GLB1: variants seen among roughly 807,000 people sequenced by gnomAD.
GLB1 encodes the protein beta-galactosidase.
A neutral mutation model predicts 74.0 loss-of-function variants in GLB1; 56 were observed. That is an observed-to-expected ratio of 0.76 (90% confidence interval 0.61 to 0.94). The LOEUF is 0.94. GLB1 is among the 40% of genes least tolerant of loss of function. The pLI, the probability that GLB1 is intolerant of heterozygous loss-of-function variation, is 0.00. For synonymous variants in GLB1, 323 were observed against 323.6 expected (o/e 1.00, Z 0.02); for missense variants, 787 against 845.5 (o/e 0.93, Z 0.86).
chr3:33,009,501 G>A (rs1429722118), intron 15 of GLB1, among the ~76,000 whole-genome samples: 2 of 152,098 alleles, frequency 1.3e-5, no homozygotes, highest in Non-Finnish European at 2.9e-5. Context: ...CAGCCTGGGT[G>A]ACAAGAGCAA....
Position 33,004,118 on chromosome 3 carries a change from G to A in GLB1, c.1735-6774C>T, listed in dbSNP as rs180845306. On this transcript the variant is annotated intron_variant, in intron 15 of 15. Coordinates refer to ENST00000307363, the MANE Select transcript of GLB1 (RefSeq NM_000404.4). The stretch of plus-strand genomic sequence containing the variant: ...TTTGGCCAAACAACGTGGAAGAAGT[G>A]ACATGTGAATCCTGACTTTGGCCTT... Among the ~76,000 whole-genome samples, 6 of 152,236 alleles carry A rather than the reference G, an allele frequency of 3.9e-5. No homozygotes were observed. In the East Asian group the frequency reaches 9.6e-4, roughly 24 times the overall value.
intron 10 of GLB1, among the ~76,000 whole-genome samples, chr3:33,031,065 C>T (rs72854780): frequency 0.075 from 11,422 of 152,184 alleles, 557 homozygotes; most frequent in East Asian, 0.23. Flanking sequence ...TGAAGACAAC[C>T]GCCTGGGGGC....
At chr3:32,976,508 G>C in the GLB1 span, among the ~76,000 whole-genome samples, 1 of 152,196 alleles carries the variant, frequency 6.6e-6, no homozygotes, top group African/African-American at 2.4e-5. Flanking sequence ...TTGGAAACGT[G>C]GCCCCGAAGC....
At chr3:33,084,154 C>T (rs1700422631) in intron 1 of GLB1, among the ~76,000 whole-genome samples, 1 of 152,196 alleles carries the variant, frequency 6.6e-6, no homozygotes, top group Admixed American at 6.5e-5. Context: ...CTGACACGAG[C>T]TGTTCAGCTC....
At chr3:32,962,109 G>A in the GLB1 span, among the ~76,000 whole-genome samples, 3 of 151,890 alleles carry the variant, frequency 2.0e-5, no homozygotes, top group East Asian at 1.9e-4. Flanking sequence ...TAGGAGAATC[G>A]ATTAAACCCA....
At position 33,058,011 on chromosome 3, in the gene GLB1, TAAC is replaced by T. The variant is rs929115879; in HGVS notation, c.733+75_733+77del. On this transcript the variant is annotated intron_variant, in intron 6 of 15. Transcript: ENST00000307363. Reference sequence around the variant, plus strand: ...AATCTCAATCTGCCCATGACACTTATAACAACAGCTGCCCAGAGCAACTGACTG... The same window carrying T: ...AATCTCAATCTGCCCATGACACTTATAACAGCTGCCCAGAGCAACTGACTG... 3.2e-6 allele frequency: 5 copies of T among 1,578,400 alleles called. No homozygotes were observed. The African/African-American group carries it at 6.8e-5, about 21-fold the overall frequency.
chr3:33,063,728 G>A (rs1033103950), intron 5 of GLB1, among the ~76,000 whole-genome samples: 2 of 152,190 alleles, frequency 1.3e-5, no homozygotes, highest in Non-Finnish European at 2.9e-5. Context: ...CAGCCATGCA[G>A]AGCAAAGACG....
chr3:33,088,539 T>C (rs371727131), intron 1 of GLB1, among the ~76,000 whole-genome samples: 5 of 152,004 alleles, frequency 3.3e-5, no homozygotes, highest in African/African-American at 1.2e-4. Context: ...ATTCCATATA[T>C]AAAAGCATCA....
intron 10 of GLB1, chr3:33,045,245 CT>C (rs35949170): frequency 0.095 from 51,177 of 536,036 alleles, 75 homozygotes; most frequent in Middle Eastern, 0.11. Context: ...TAGACTCACT[CT>C]TTTTTTTTTT....
chr3:33,003,404 G>T (rs1482371038), intron 15 of GLB1, among the ~76,000 whole-genome samples: 1 of 152,144 alleles, frequency 6.6e-6, no homozygotes, highest in Non-Finnish European at 1.5e-5. Context: ...TTGTTATAAA[G>T]TTCACAACCT....
intron 9 of GLB1, among the ~76,000 whole-genome samples, chr3:33,049,268 C>T (rs554900631): frequency 3.3e-5 from 5 of 152,258 alleles, no homozygotes; most frequent in Admixed American, 6.5e-5. Context: ...TCTAAAATAT[C>T]AGTGACCAAC....
intron 7 of GLB1, 63 bp from the exon 8 acceptor site, chr3:33,052,067 C>T: frequency 6.2e-7 from 1 of 1,603,486 alleles, no homozygotes; most frequent in Non-Finnish European, 8.5e-7. Flanking sequence ...CCAGGGCTTC[C>T]CTGCAATGCC....
At chr3:32,992,954 C>T (rs528378891), downstream of GLB1, among the ~76,000 whole-genome samples, 2 of 152,312 alleles carry the variant, frequency 1.3e-5, no homozygotes, top group African/African-American at 4.8e-5. Flanking sequence ...ACCCAGAAAC[C>T]ACCTGGCCCC....
chr3:33,055,954 G>A (rs572907397), intron 6 of GLB1, among the ~76,000 whole-genome samples: 8 of 151,722 alleles, frequency 5.3e-5, no homozygotes, highest in East Asian at 3.9e-4. Context: ...CAGACCGGGC[G>A]CGGTGGCTCA....
chr3:33,046,058 C>T, intron 10 of GLB1, 62 bp downstream of exon 10: 9 of 1,583,512 alleles, frequency 5.7e-6, no homozygotes, highest in Non-Finnish European at 7.8e-6. Context: ...CACAGAGCCA[C>T]AGTGAGTTCA....
chr3:33,091,677 G>A (rs758897598), intron 1 of GLB1: 336 of 985,092 alleles, frequency 3.4e-4, no homozygotes, highest in Non-Finnish European at 3.8e-4. Flanking sequence ...TGGAAACCAA[G>A]GCTGAGTGAG....
At chr3:32,981,455 T>C in the GLB1 span, among the ~76,000 whole-genome samples, 3 of 149,596 alleles carry the variant, frequency 2.0e-5, no homozygotes, top group Non-Finnish European at 4.4e-5. Flanking sequence ...AAAGGTCTTC[T>C]GTATCTCTTT....
the GLB1 span, among the ~76,000 whole-genome samples, chr3:32,989,956 A>G: frequency 4.6e-5 from 7 of 152,240 alleles, no homozygotes; most frequent in African/African-American, 1.7e-4. Flanking sequence ...GAATGTTATT[A>G]TTCTTATTAA....
chr3:33,044,626 T>C (rs972088891), intron 10 of GLB1, among the ~76,000 whole-genome samples: 3 of 152,096 alleles, frequency 2.0e-5, no homozygotes, highest in African/African-American at 7.2e-5. Flanking sequence ...TAACAATACA[T>C]TTGAAAATTT....
Sources: allele counts gnomAD v4.1 joint callset (sites outside exome capture counted in the v4.1 genomes callset), GRCh38; gene constraint gnomAD v4.1.1; transcripts MANE v1.5; gene names NCBI Gene and HGNC (gene_info 2026-07-23, HGNC 2026-07-21).